The following SLC16A12 variants were observed in gnomAD, a reference collection of about 807,000 sequenced individuals.
SLC16A12 encodes the protein monocarboxylate transporter 12.
SLC16A12 carries 17 observed loss-of-function variants against 42.4 expected under a neutral mutation model. The observed-to-expected ratio is 0.40, with a 90% confidence interval of 0.27 to 0.60. SLC16A12 has a LOEUF of 0.60. SLC16A12 is among the 20% of genes least tolerant of loss of function. SLC16A12 has a pLI of 0.42. For missense variants in SLC16A12, 544 were observed against 623.0 expected (o/e 0.87, Z 1.35); for synonymous variants, 224 against 229.4 (o/e 0.98, Z 0.21).
At chr10:89,552,750 A>G (rs1377954503) in intron 2 of SLC16A12, among the ~76,000 whole-genome samples, 1 of 152,180 alleles carries the variant, frequency 6.6e-6, no homozygotes, top group African/African-American at 2.4e-5. Context: ...GAATCTGGAG[A>G]GAGTAAGTGA....
chr10:89,520,899 G>C (rs763140740), intron 2 of SLC16A12, among the ~76,000 whole-genome samples: 36 of 152,130 alleles, frequency 2.4e-4, no homozygotes, highest in Non-Finnish European at 3.5e-4. Context: ...GGGTAATAAA[G>C]AGAATGCAGA....
intron 2 of SLC16A12, among the ~76,000 whole-genome samples, chr10:89,486,396 T>A (rs1051605080): frequency 6.6e-6 from 1 of 151,838 alleles, no homozygotes; most frequent in Admixed American, 6.6e-5. Context: ...GTAAACTATG[T>A]GACTGTGACA....
chr10:89,510,941 AAAG>A (rs1216635487), intron 2 of SLC16A12, among the ~76,000 whole-genome samples: 1 of 152,246 alleles, frequency 6.6e-6, no homozygotes. Context: ...ACATTTCTCA[AAAG>A]AAGACATTTA....
At chr10:89,462,678 A>G in intron 2 of SLC16A12, 54 bp from the exon 3 acceptor site, 1 of 1,471,138 alleles carries the variant, frequency 6.8e-7, no homozygotes, top group Non-Finnish European at 8.9e-7. Context: ...CCAAAGGTTG[A>G]TTTTTCTTCA....
intron 6 of SLC16A12, among the ~76,000 whole-genome samples, chr10:89,437,306 T>C (rs143616930): frequency 3.6e-4 from 55 of 152,344 alleles, no homozygotes; most frequent in Admixed American, 5.2e-4. Context: ...ATGATACCAA[T>C]AATTTCAAAG....
chr10:89,446,170 T>C (rs141404387), intron 3 of SLC16A12, among the ~76,000 whole-genome samples: 3,554 of 152,266 alleles, frequency 0.023, 59 homozygotes, highest in Non-Finnish European at 0.038. Flanking sequence ...GGAACCAAGC[T>C]GGAAAACACT....
intron 2 of SLC16A12, among the ~76,000 whole-genome samples, chr10:89,523,846 G>A (rs1349668375): frequency 6.6e-6 from 1 of 152,146 alleles, no homozygotes; most frequent in South Asian, 2.1e-4. Context: ...TTGCCCTCTT[G>A]TTGGACCAGT....
intron 6 of SLC16A12, among the ~76,000 whole-genome samples, chr10:89,436,776 T>C (rs937865227): frequency 1.1e-5 from 1 of 93,996 alleles, no homozygotes; most frequent in South Asian, 3.4e-4. Context: ...TGATAGCTGA[T>C]GAAAAAAAGA....
At chr10:89,446,687 G>T (rs537008354) in intron 3 of SLC16A12, among the ~76,000 whole-genome samples, 206 of 152,316 alleles carry the variant, frequency 1.4e-3, no homozygotes, top group African/African-American at 4.5e-3. Context: ...ATGCTAGGAA[G>T]AAACTGCATC....
intron 2 of SLC16A12, among the ~76,000 whole-genome samples, chr10:89,540,913 C>CTTT (rs974805472): frequency 4.2e-5 from 6 of 142,338 alleles, no homozygotes; most frequent in African/African-American, 1.5e-4. Context: ...AAGCAAATTT[C>CTTT]TTTTTTTTTT....
At chr10:89,494,353 T>G (rs903289809) in intron 2 of SLC16A12, among the ~76,000 whole-genome samples, 1 of 152,254 alleles carries the variant, frequency 6.6e-6, no homozygotes, top group Admixed American at 6.5e-5. Context: ...TTTAGGAATC[T>G]GTCTTATAGT....
At chr10:89,523,462 G>T (rs908202468) in intron 2 of SLC16A12, among the ~76,000 whole-genome samples, 15 of 152,034 alleles carry the variant, frequency 9.9e-5, no homozygotes, top group African/African-American at 3.4e-4. Flanking sequence ...TTCTTAATTG[G>T]CCAGTCTCTG....
chr10:89,441,680 T>C (rs1165303734), intron 4 of SLC16A12, among the ~76,000 whole-genome samples: 1 of 152,208 alleles, frequency 6.6e-6, no homozygotes, highest in Non-Finnish European at 1.5e-5. Flanking sequence ...AGCAGGGTTA[T>C]GCAGTAAAAG....
intron 3 of SLC16A12, among the ~76,000 whole-genome samples, chr10:89,455,347 G>T (rs540657570): frequency 2.0e-4 from 30 of 152,090 alleles, no homozygotes; most frequent in African/African-American, 6.5e-4. Flanking sequence ...TTTTTTAAAG[G>T]TTACTTTGAT....
intron 2 of SLC16A12, among the ~76,000 whole-genome samples, chr10:89,530,641 G>C (rs943810284): frequency 6.6e-6 from 1 of 152,004 alleles, no homozygotes; most frequent in East Asian, 1.9e-4. Flanking sequence ...GGATGCTCTC[G>C]ATCTCCCGAC....
intron 2 of SLC16A12, among the ~76,000 whole-genome samples, chr10:89,526,507 C>G (rs559401060): frequency 2.0e-5 from 3 of 152,208 alleles, no homozygotes; most frequent in Admixed American, 2.0e-4. Flanking sequence ...CTTTTCAACA[C>G]AGATCCGCAG....
In SLC16A12 at chr10:89,443,739, T is replaced by A; in HGVS notation, c.304+17A>T. 6.4e-7 allele frequency: 1 copy of A among 1,558,098 alleles called. No homozygotes were observed. The highest frequency in any genetic ancestry group is 8.9e-7 in the Non-Finnish European group (1 of 1,128,850). On this transcript the variant is annotated intron_variant, in intron 4 of 7. Coordinates refer to ENST00000371790, the MANE Select transcript of SLC16A12 (RefSeq NM_213606.4). ...AAGAGTGGCCAGTAATTCCCTATCC[T>A]AGTAAGTAATACTCACCACAGAGCA...
chr10:89,446,197 A>G (rs772820910), intron 3 of SLC16A12, among the ~76,000 whole-genome samples: 34 of 152,252 alleles, frequency 2.2e-4, no homozygotes, highest in Middle Eastern at 3.2e-3. Flanking sequence ...GATATTATCC[A>G]GGAGAACTTC....
At chr10:89,479,143 G>A (rs537031308) in intron 2 of SLC16A12, among the ~76,000 whole-genome samples, 2 of 152,288 alleles carry the variant, frequency 1.3e-5, no homozygotes, top group South Asian at 4.1e-4. Context: ...AGTACCTACA[G>A]CTGGGGACAA....
Sources: gnomAD v4.1 joint callset for allele counts (sites outside exome capture counted in the v4.1 genomes callset) on GRCh38, gnomAD v4.1.1 for gene constraint, MANE v1.5 for transcripts, NCBI Gene and HGNC (gene_info 2026-07-23, HGNC 2026-07-21) for gene names.